Variants in NRCAM observed in about 807,000 individuals in gnomAD.
NRCAM encodes neuronal cell adhesion molecule, also known as NgCAM-related cell adhesion molecule.
In NRCAM, 83 loss-of-function variants were observed where a neutral mutation model predicts 156.5. That is an observed-to-expected ratio of 0.53 (90% confidence interval 0.44 to 0.64). The LOEUF (loss-of-function observed/expected upper bound fraction) is 0.64, where lower values mean the gene tolerates loss of function less well. Ranked by LOEUF, NRCAM falls within the 30% of genes least tolerant of loss-of-function variation. The probability of loss-of-function intolerance (pLI) is 0.00; values close to 1 mark genes in which losing one functional copy is unlikely to be tolerated. For missense variants in NRCAM, 1,417 were observed against 1,597.3 expected, an observed-to-expected ratio of 0.89 and a Z score of 1.92; for synonymous variants, 538 against 563.9, an observed-to-expected ratio of 0.95 and a Z score of 0.65.
chr7:108,392,886 T>C (rs1396779844), intron 2 of NRCAM, among the ~76,000 whole-genome samples: 2 of 152,184 alleles, frequency 1.3e-5, no homozygotes, highest in African/African-American at 2.4e-5. Flanking sequence ...CAGTGAATAT[T>C]GCAGAACAGC....
At chr7:108,232,237 G>A (rs1480412565) in intron 7 of NRCAM, 89 bp downstream of exon 7, 2 of 959,214 alleles carry the variant, frequency 2.1e-6, no homozygotes, top group African/African-American at 3.3e-5. Flanking sequence ...CCACTGCTTT[G>A]TTGAATAGTA....
chr7:108,406,959 G>A (rs899916146), intron 1 of NRCAM, among the ~76,000 whole-genome samples: 1 of 152,058 alleles, frequency 6.6e-6, no homozygotes, highest in Non-Finnish European at 1.5e-5. Flanking sequence ...ATTTTTAGGT[G>A]GGGAATTTCT....
chr7:108,447,259 C>CTTTTTT (rs34273772), intron 1 of NRCAM, among the ~76,000 whole-genome samples: 87 of 84,176 alleles, frequency 1.0e-3, no homozygotes, highest in Non-Finnish European at 1.3e-3. Flanking sequence ...TCACTTCTTT[C>CTTTTTT]TTTTTTTTTT....
At chr7:108,447,445 T>C (rs191788449) in intron 1 of NRCAM, among the ~76,000 whole-genome samples, 2 of 152,010 alleles carry the variant, frequency 1.3e-5, no homozygotes, top group Admixed American at 1.3e-4. Flanking sequence ...TTTGTTTTTG[T>C]ATTTTTAGTA....
chr7:108,279,869 A>G (rs894026225), intron 3 of NRCAM, among the ~76,000 whole-genome samples: 1 of 152,060 alleles, frequency 6.6e-6, no homozygotes, highest in Non-Finnish European at 1.5e-5. Context: ...CTGCAACACC[A>G]TCTTTATGCT....
intron 2 of NRCAM, among the ~76,000 whole-genome samples, chr7:108,351,387 T>C (rs10250083): frequency 0.23 from 35,132 of 152,106 alleles, 4,384 homozygotes; most frequent in African/African-American, 0.29. Flanking sequence ...GTATCACCTC[T>C]CTTCAACAGC....
Position 108,175,251 on chromosome 7 carries a change from T to A in NRCAM, c.3187+71A>T, listed in dbSNP as rs887779836. On this transcript the variant is annotated intron_variant, in intron 28 of 32. Transcript: ENST00000379028. ...AAGCATATTTTCTCTGTTTTACCCA[T>A]GCTGCACTTCCCCATGTTTCACATT... 3.8e-5 allele frequency: 48 copies of A among 1,250,708 alleles called. No individual in the cohort carries two copies. In the Admixed American group the frequency reaches 4.1e-4, roughly 11 times the overall value. The allele number at this position is 1,250,708 out of a possible 1,614,324, so 77.5% of individuals were successfully genotyped here. A position where few individuals can be genotyped will look rare whatever the true frequency, so the allele number is the denominator to read the frequency against.
Position 108,363,700 on chromosome 7 carries a change from T to C in NRCAM, c.-174+35736A>G, listed in dbSNP as rs142683065. Among the ~76,000 whole-genome samples, 633 of 152,306 alleles carry C rather than the reference T, an allele frequency of 4.2e-3. 1 individual carries two copies. Among genetic ancestry groups the C allele is most frequent in the African/African-American group, 7.8e-3 (323 of 41,564 alleles). ...GGCCAACATCAACAGTGATGTCATGTTGATAGTATATATTTTTGATATGAT... is the reference window on the plus strand; with the variant it reads ...GGCCAACATCAACAGTGATGTCATGCTGATAGTATATATTTTTGATATGAT... On this transcript the variant is annotated intron_variant, in intron 2 of 32. Coordinates refer to ENST00000379028, the MANE Select transcript of NRCAM (RefSeq NM_001037132.4).
chr7:108,389,656 A>G (rs1209950691), intron 2 of NRCAM, among the ~76,000 whole-genome samples: 1 of 152,132 alleles, frequency 6.6e-6, no homozygotes, highest in Admixed American at 6.5e-5. Context: ...GAATGCTTCC[A>G]GTTTTTGTCC....
rs1232304451 is a variant in NRCAM at position 108,324,884 on chromosome 7, T to A, written c.-173-12153A>T. On this transcript the variant is annotated intron_variant, in intron 2 of 32. Transcript: ENST00000379028. Reference sequence around the variant, plus strand: ...GTAATATTTGGCACTGTACTTTTTTTTTTTTTTTTTTTTTTTTTTTTAGCT... The same window carrying A: ...GTAATATTTGGCACTGTACTTTTTTATTTTTTTTTTTTTTTTTTTTTAGCT... Among the ~76,000 whole-genome samples the A allele has an allele frequency of 4.3e-5, 6 of 140,396 alleles. No homozygotes were observed. In the South Asian group the frequency reaches 9.2e-4, roughly 21 times the overall value. The allele number at this position is 140,396 out of a possible 152,430, so 92.1% of individuals were successfully genotyped here.
At chr7:108,438,524 T>C (rs1834851499) in intron 1 of NRCAM, among the ~76,000 whole-genome samples, 1 of 152,150 alleles carries the variant, frequency 6.6e-6, no homozygotes, top group South Asian at 2.1e-4. Flanking sequence ...ATGACTTCTA[T>C]TAAAAAATCT....
At chr7:108,349,791 C>A (rs1325104601) in intron 2 of NRCAM, among the ~76,000 whole-genome samples, 4 of 152,292 alleles carry the variant, frequency 2.6e-5, no homozygotes, top group African/African-American at 9.6e-5. Context: ...TGACCCATCT[C>A]CTTGTTTCCA....
chr7:108,391,604 T>C (rs1317581071), intron 2 of NRCAM, among the ~76,000 whole-genome samples: 3 of 152,106 alleles, frequency 2.0e-5, no homozygotes, highest in Admixed American at 1.3e-4. Flanking sequence ...TGTGTGAATT[T>C]GATCCTGTCA....
chr7:108,326,133 C>T (rs1056251911), intron 2 of NRCAM, among the ~76,000 whole-genome samples: 3 of 152,080 alleles, frequency 2.0e-5, no homozygotes, highest in East Asian at 1.9e-4. Flanking sequence ...AATAAGCACA[C>T]GTATGTGTAA....
At chr7:108,387,850 T>G (rs1563566733) in intron 2 of NRCAM, among the ~76,000 whole-genome samples, 1 of 152,110 alleles carries the variant, frequency 6.6e-6, no homozygotes, top group Non-Finnish European at 1.5e-5. Context: ...AGAATGATGG[T>G]TTCCAGCTTC....
At chr7:108,371,728 A>T (rs1563486730) in intron 2 of NRCAM, among the ~76,000 whole-genome samples, 2 of 152,188 alleles carry the variant, frequency 1.3e-5, no homozygotes, top group African/African-American at 4.8e-5. Flanking sequence ...TATAACAGTT[A>T]TATAGATGAC....
At chr7:108,315,625 C>T (rs2098905112) in intron 2 of NRCAM, among the ~76,000 whole-genome samples, 1 of 152,204 alleles carries the variant, frequency 6.6e-6, no homozygotes, top group Non-Finnish European at 1.5e-5. Flanking sequence ...ACACAGGCCC[C>T]TAACTTCTGG....
At chr7:108,391,478 G>A (rs1429039865) in intron 2 of NRCAM, among the ~76,000 whole-genome samples, 1 of 151,904 alleles carries the variant, frequency 6.6e-6, no homozygotes, top group African/African-American at 2.4e-5. Flanking sequence ...CTCTGCATGT[G>A]AGATGGGTTT....
intron 5 of NRCAM, among the ~76,000 whole-genome samples, chr7:108,236,436 C>T (rs556773051): frequency 1.3e-5 from 2 of 152,194 alleles, no homozygotes; most frequent in Non-Finnish European, 1.5e-5. Context: ...CCCCCTCCGT[C>T]ATCCATATGG....
Sources: allele counts gnomAD v4.1 joint callset (sites outside exome capture counted in the v4.1 genomes callset), GRCh38; gene constraint gnomAD v4.1.1; transcripts MANE v1.5; gene names NCBI Gene and HGNC (gene_info 2026-07-23, HGNC 2026-07-21).